Variants in TSC2 observed in about 807,000 individuals in gnomAD.
The protein encoded by TSC2 is TSC complex subunit 2, also known as tuberin.
Under a neutral mutation model 202.2 loss-of-function variants are expected in TSC2, and 29 were observed. The ratio of observed to expected loss-of-function variants is 0.14; its 90% CI spans 0.11 to 0.20. TSC2 has a LOEUF of 0.20. Ranked by LOEUF, TSC2 falls within the 10% of genes least tolerant of loss-of-function variation. TSC2 has a pLI of 1.00. For synonymous variants in TSC2, 1,349 were observed against 1,044.0 expected, an observed-to-expected ratio of 1.29 and a Z score of -5.63; for missense variants, 2,429 against 2,420.0, an observed-to-expected ratio of 1.00 and a Z score of -0.08.
At chr16:2,066,566 T>C (rs1349295647) in intron 16 of TSC2, 5 of 151,924 alleles carry the variant, frequency 3.3e-5, no homozygotes, top group African/African-American at 4.8e-5. Flanking sequence ...CTGCATTTGG[T>C]GTTTCAAGGC....
intron 14 of TSC2, chr16:2,063,816 C>A (rs1313799385): frequency 7.5e-6 from 2 of 268,234 alleles, no homozygotes; most frequent in Non-Finnish European, 1.5e-5. Context: ...TTTTTACCTG[C>A]TTCTGTGAAA....
At position 2,088,249 on chromosome 16, in the gene TSC2, G is replaced by T. The variant is rs1596460117; in HGVS notation, c.5183G>T (p.Ser1728Ile). 1.2e-6 allele frequency: 2 copies of T among 1,603,840 alleles called. No homozygotes were observed. The highest frequency in any genetic ancestry group is 4.5e-5 in the East Asian group (2 of 44,404). Residue 1728 changes from serine (S) to isoleucine (I), a missense_variant, in exon 41 of 42, where the codon AGC (serine) becomes ATC (isoleucine). Physicochemically the swap from Ser to Ile is moderately radical, Grantham distance 142. Transcript: ENST00000219476. ...CAGATGGCCTCACAGGTGCATCATA[G>T]CCGCTCCAACCCCACCGATATCTAC... is the stretch of plus-strand genomic sequence containing the variant. ...HANMASQVHH[S>I]RSNPTDIYPS...
At chr16:2,087,158 G>A (rs766925312) in intron 38 of TSC2, 14 of 492,070 alleles carry the variant, frequency 2.8e-5, no homozygotes, top group South Asian at 1.6e-4. Flanking sequence ...TCTGTCCGGC[G>A]CGGCCCTTGG....
intron 37 of TSC2, 116 bp downstream of exon 37, chr16:2,086,495 C>A: frequency 6.8e-7 from 1 of 1,465,446 alleles, no homozygotes; most frequent in Non-Finnish European, 9.3e-7. Flanking sequence ...TGCTCCAGCT[C>A]CCCACGCCTC....
intron 25 of TSC2, among the ~76,000 whole-genome samples, chr16:2,077,009 TCTC>T (rs1167933963): frequency 6.6e-6 from 1 of 152,216 alleles, no homozygotes; most frequent in South Asian, 2.1e-4. Context: ...TGAACGGCTT[TCTC>T]CTCCTGTCCC....
intron 9 of TSC2, among the ~76,000 whole-genome samples, chr16:2,058,238 A>C (rs2086149950): frequency 1.3e-5 from 2 of 149,212 alleles, no homozygotes; most frequent in Admixed American, 6.7e-5. Context: ...CCTTTCCTCC[A>C]TCTTGCCTTC....
chr16:2,085,193 G>C (rs1466422215), intron 35 of TSC2, 37 bp from the exon 36 acceptor site: 1 of 1,611,952 alleles, frequency 6.2e-7, no homozygotes, highest in African/African-American at 1.3e-5. Context: ...CCTGTGGACG[G>C]GCGTCTGGGG....
chr16:2,076,264 G>A (rs2151390982), intron 24 of TSC2, 94 bp downstream of exon 24: 1 of 1,581,868 alleles, frequency 6.3e-7, no homozygotes, highest in Non-Finnish European at 8.6e-7. Context: ...ACAGGCAGGT[G>A]GAGGGCAGTG....
intron 16 of TSC2, among the ~76,000 whole-genome samples, chr16:2,066,955 C>T (rs1377416872): frequency 6.6e-6 from 1 of 152,102 alleles, no homozygotes; most frequent in Non-Finnish European, 1.5e-5. Context: ...AGCCACCACG[C>T]CCGGCCTGCC....
At chr16:2,072,163 G>A (rs776286149) in intron 19 of TSC2, 78 bp from the exon 20 acceptor site, 3 of 1,606,404 alleles carry the variant, frequency 1.9e-6, no homozygotes, top group Non-Finnish European at 2.5e-6. Context: ...CAGCCACAAA[G>A]CAGAGCCTCA....
chr16:2,051,623 C>T (rs922983902), intron 3 of TSC2, among the ~76,000 whole-genome samples: 3 of 152,224 alleles, frequency 2.0e-5, no homozygotes, highest in Non-Finnish European at 2.9e-5. Context: ...GAGGGCTCTG[C>T]CCTTGCCTTG....
Position 2,088,881 on chromosome 16 carries a change from G to GCTCACA in TSC2, c.*272_*273insTCACAC. ...ACAGCACACTCGCGCGTGCGCGCGCGCACACACACACACACACAGTCACCT... is the reference window on the plus strand; with the variant it reads ...ACAGCACACTCGCGCGTGCGCGCGCGCTCACACACACACACACACACACAGTCACCT... On this transcript the variant is annotated 3_prime_UTR_variant, in exon 42 of 42. Coordinates refer to ENST00000219476, the MANE Select transcript of TSC2 (RefSeq NM_000548.5). The GCTCACA allele has an allele frequency of 2.4e-6, 1 of 420,700 alleles. No homozygotes were observed. The highest frequency in any genetic ancestry group is 4.3e-6 in the Non-Finnish European group (1 of 230,698). 26.1% of individuals were successfully genotyped at this position (420,700 alleles called of 1,614,324 possible).
chr16:2,070,428 C>G (rs45517195), intron 16 of TSC2, 28 bp from the exon 17 acceptor site: 1 of 1,613,264 alleles, frequency 6.2e-7, no homozygotes, highest in Non-Finnish European at 8.5e-7. Flanking sequence ...CCTCCTGCGC[C>G]GTGGTGAGCT....
chr16:2,056,904 T>C, intron 8 of TSC2, 135 bp downstream of exon 8: 1 of 1,488,252 alleles, frequency 6.7e-7, no homozygotes, highest in Non-Finnish European at 9.3e-7. Flanking sequence ...GCCAGTGTCA[T>C]TTTCCCAGGC....
chr16:2,058,045 C>T (rs546244670), intron 9 of TSC2, among the ~76,000 whole-genome samples: 2 of 141,974 alleles, frequency 1.4e-5, no homozygotes, highest in African/African-American at 5.3e-5. Context: ...GGCCCTGCAT[C>T]TTTCCTTCCC....
chr16:2,065,543 C>T lies in TSC2; in HGVS notation c.1624C>T (p.Pro542Ser), dbSNP rs891347695. ...EKVMARSLSPPPELEERDVAA... is the reference protein window; with the variant it reads ...EKVMARSLSPSPELEERDVAA... ...GGTGATGGCCCGCTCCCTCTCCCCA[C>T]CCCCGGAGCTGGAAGAAAGGGATGT... The change falls in exon 16 of 42, where the codon CCC (proline) becomes TCC (serine). Residue 542 changes from proline to serine, a missense_variant. By Grantham distance (74) the Pro-to-Ser change is moderately conservative (BLOSUM62 -1). Transcript: ENST00000219476. 15 of 1,613,616 alleles carry T rather than the reference C, an allele frequency of 9.3e-6. No individual in the cohort carries two copies. Among genetic ancestry groups the T allele is most frequent in the African/African-American group, 2.7e-5 (2 of 74,910 alleles).
intron 40 of TSC2, 41 bp downstream of exon 40, chr16:2,088,180 C>T (rs2091112761): frequency 5.0e-6 from 8 of 1,612,852 alleles, no homozygotes; most frequent in Non-Finnish European, 2.5e-6. Context: ...GTGGGACAGG[C>T]CCAGGTGCCA....
At chr16:2,049,376 G>A (rs1324355246) in intron 2 of TSC2, among the ~76,000 whole-genome samples, 1 of 151,956 alleles carries the variant, frequency 6.6e-6, no homozygotes, top group African/African-American at 2.4e-5. Flanking sequence ...ATGAGCCATC[G>A]CACATGGGCT....
At chr16:2,072,777 C>T in intron 20 of TSC2, 72 bp from the exon 21 acceptor site, 5 of 1,610,236 alleles carry the variant, frequency 3.1e-6, no homozygotes, top group Admixed American at 1.7e-5. Flanking sequence ...TTCCCAGGGC[C>T]TCCCCAGCCC....
Sources: allele counts gnomAD v4.1 joint callset (sites outside exome capture counted in the v4.1 genomes callset), GRCh38; gene constraint gnomAD v4.1.1; transcripts MANE v1.5; gene names NCBI Gene and HGNC (gene_info 2026-07-23, HGNC 2026-07-21).